CREB5: variants seen among roughly 807,000 people sequenced by gnomAD.
CREB5 encodes the protein cyclic AMP-responsive element-binding protein 5.
Under a neutral mutation model 57.1 loss-of-function variants are expected in CREB5, and 19 were observed. That is an observed-to-expected ratio of 0.33 (90% confidence interval 0.23 to 0.49). CREB5 has a LOEUF of 0.49. Among genes scored for constraint, CREB5 ranks in the 20% least tolerant of loss-of-function variants. The pLI is 0.99. For missense variants in CREB5, 579 were observed against 671.6 expected (o/e 0.86, Z 1.52); for synonymous variants, 238 against 238.3 (o/e 1.00, Z 0.01).
intron 1 of CREB5, among the ~76,000 whole-genome samples, chr7:28,356,317 G>A (rs919687517): frequency 6.6e-6 from 1 of 152,186 alleles, no homozygotes; most frequent in Non-Finnish European, 1.5e-5. Context: ...TCAATGAAGT[G>A]GGTATGTATT....
At chr7:28,332,005 C>A (rs1443596046) in intron 1 of CREB5, among the ~76,000 whole-genome samples, 1 of 152,042 alleles carries the variant, frequency 6.6e-6, no homozygotes, top group Non-Finnish European at 1.5e-5. Context: ...AGATGTAATT[C>A]AGGATCTTGG....
At chr7:28,324,726 A>G (rs1030302808) in intron 1 of CREB5, among the ~76,000 whole-genome samples, 2 of 152,258 alleles carry the variant, frequency 1.3e-5, no homozygotes, top group Non-Finnish European at 2.9e-5. Context: ...CTTTGCTTTG[A>G]CTTTCAGATT....
chr7:28,379,810 G>A (rs957172494), intron 1 of CREB5, among the ~76,000 whole-genome samples: 3 of 152,174 alleles, frequency 2.0e-5, no homozygotes, highest in Non-Finnish European at 2.9e-5. Flanking sequence ...GCACCACTTG[G>A]AATCTGTCAG....
At chr7:28,577,229 A>G (rs1459782708) in intron 5 of CREB5, among the ~76,000 whole-genome samples, 1 of 152,200 alleles carries the variant, frequency 6.6e-6, no homozygotes, top group Non-Finnish European at 1.5e-5. Context: ...CAGAATTCTC[A>G]TTCACTGCCT....
intron 1 of CREB5, among the ~76,000 whole-genome samples, chr7:28,328,565 T>G (rs932619020): frequency 1.3e-5 from 2 of 152,170 alleles, no homozygotes; most frequent in African/African-American, 4.8e-5. Flanking sequence ...AAATGCTTAT[T>G]CTAAATAATA....
chr7:28,362,790 A>T (rs1786513864), intron 1 of CREB5, among the ~76,000 whole-genome samples: 1 of 152,208 alleles, frequency 6.6e-6, no homozygotes, highest in South Asian at 2.1e-4. Context: ...AGCTTAGCAA[A>T]TATTTTTAAA....
intron 4 of CREB5, among the ~76,000 whole-genome samples, chr7:28,540,049 T>C (rs957518677): frequency 5.5e-4 from 83 of 152,152 alleles, no homozygotes; most frequent in African/African-American, 1.9e-3. Context: ...GAGAGACTAG[T>C]TTATATTTTT....
chr7:28,527,634 T>C (rs1316341697), intron 4 of CREB5, among the ~76,000 whole-genome samples: 3 of 152,144 alleles, frequency 2.0e-5, no homozygotes, highest in African/African-American at 7.2e-5. Flanking sequence ...CTGGGCAATA[T>C]GGTGAGACAT....
rs1266528981 is a variant in CREB5 at position 28,823,248 on chromosome 7, A to C, written c.*3969A>C. The C allele has an allele frequency of 6.5e-6, 1 of 152,676 alleles. No homozygotes were observed. The highest frequency in any genetic ancestry group is 1.5e-5 in the Non-Finnish European group (1 of 68,036). 9.5% of individuals were successfully genotyped at this position (152,676 alleles called of 1,614,324 possible). A position where few individuals can be genotyped will look rare whatever the true frequency, so the allele number is the denominator to read the frequency against. On this transcript the variant is annotated 3_prime_UTR_variant, in exon 11 of 11. Transcript: ENST00000357727. ...TTAAAAAAAGGAAAAACCATCTAAGAAAATATATATGTATGTATGTGTGTA... is the reference window on the plus strand; with the variant it reads ...TTAAAAAAAGGAAAAACCATCTAAGCAAATATATATGTATGTATGTGTGTA...
chr7:28,608,377 T>G (rs1269830847), intron 5 of CREB5, among the ~76,000 whole-genome samples: 4 of 152,086 alleles, frequency 2.6e-5, no homozygotes, highest in African/African-American at 9.7e-5. Context: ...GAAAGATCCT[T>G]TTGGGAATTC....
At chr7:28,343,231 C>T (rs759145253) in intron 1 of CREB5, among the ~76,000 whole-genome samples, 19 of 152,178 alleles carry the variant, frequency 1.2e-4, no homozygotes, top group South Asian at 2.1e-4. Flanking sequence ...TGAGCCACTG[C>T]GCCTGGCCTG....
At chr7:28,749,509 A>G (rs1243891543) in intron 7 of CREB5, 1 of 152,252 alleles carries the variant, frequency 6.6e-6, no homozygotes, top group African/African-American at 2.4e-5. Flanking sequence ...TGGGTTGAAT[A>G]CAAATAACGT....
At chr7:28,572,623 C>G (rs897815787) in intron 5 of CREB5, among the ~76,000 whole-genome samples, 1 of 152,194 alleles carries the variant, frequency 6.6e-6, no homozygotes, top group African/African-American at 2.4e-5. Flanking sequence ...TGCCACCCCC[C>G]ACCAACTACC....
At chr7:28,410,229 G>C, upstream of CREB5, 1 of 454,112 alleles carries the variant, frequency 2.2e-6, no homozygotes, top group East Asian at 7.0e-5. Context: ...GCTGGAGAGC[G>C]GCGAGGCTCC....
intron 5 of CREB5, among the ~76,000 whole-genome samples, chr7:28,680,230 T>C (rs1400840883): frequency 6.6e-6 from 1 of 152,040 alleles, no homozygotes; most frequent in African/African-American, 2.4e-5. Flanking sequence ...AAGTAGGAAT[T>C]TGGTTGATAA....
chr7:28,509,786 G>GCCAT (rs1187727566), intron 4 of CREB5, among the ~76,000 whole-genome samples: 1 of 152,156 alleles, frequency 6.6e-6, no homozygotes, highest in Non-Finnish European at 1.5e-5. Context: ...GTTGCTCATA[G>GCCAT]CCATGTGATG....
intron 5 of CREB5, among the ~76,000 whole-genome samples, chr7:28,597,143 G>A (rs1215446724): frequency 6.6e-6 from 1 of 152,218 alleles, no homozygotes; most frequent in Non-Finnish European, 1.5e-5. Context: ...AAGCAGTGCA[G>A]TTCTTTTCTT....
chr7:28,761,035 A>G (rs1805612442), intron 7 of CREB5, among the ~76,000 whole-genome samples: 1 of 152,206 alleles, frequency 6.6e-6, no homozygotes, highest in African/African-American at 2.4e-5. Context: ...GACTTTGCCT[A>G]CATGCGCTTC....
intron 1 of CREB5, among the ~76,000 whole-genome samples, chr7:28,449,815 T>C (rs1789702127): frequency 6.6e-6 from 1 of 152,224 alleles, no homozygotes; most frequent in African/African-American, 2.4e-5. Context: ...TTGCTTAAAA[T>C]TGTTTGACCA....
Sources: allele counts gnomAD v4.1 joint callset (sites outside exome capture counted in the v4.1 genomes callset), GRCh38; gene constraint gnomAD v4.1.1; transcripts MANE v1.5; gene names NCBI Gene and HGNC (gene_info 2026-07-23, HGNC 2026-07-21).